Variants in TMEM51 observed in about 807,000 individuals in gnomAD.
The protein encoded by TMEM51 is chromosome 1 open reading frame 72.
A neutral mutation model predicts 13.6 loss-of-function variants in TMEM51; 8 were observed. That is an observed-to-expected ratio of 0.59 (90% CI 0.35 to 1.07). The LOEUF is 1.07. TMEM51 is among the 50% of genes least tolerant of loss of function. The pLI is 0.02. For missense variants in TMEM51, 279 were observed against 330.7 expected, an observed-to-expected ratio of 0.84 and a Z score of 1.21; for synonymous variants, 147 against 144.4, an observed-to-expected ratio of 1.02 and a Z score of -0.13.
chr1:15,219,919 A>C lies in TMEM51; in HGVS notation c.*176A>C. 2 of 667,932 alleles carry C rather than the reference A, an allele frequency of 3.0e-6. No individual in the cohort carries two copies. Among genetic ancestry groups the C allele is most frequent in the Non-Finnish European group, 5.0e-6 (2 of 403,266 alleles). The allele number at this position is 667,932 out of a possible 1,614,324, so 41.4% of individuals were successfully genotyped here. ...ATCAGGAGTGACTTTGTTGCCCCAC[A>C]CAGCCTCCTGCTGCAGGTGCTTTGG... On this transcript the variant is annotated 3_prime_UTR_variant, in exon 4 of 4. Transcript: ENST00000376008.
Position 15,214,936 on chromosome 1 carries a change from G to T in TMEM51, c.-152G>T, listed in dbSNP as rs1429286926. On this transcript the variant is annotated 5_prime_UTR_variant, in exon 3 of 4. Transcript: ENST00000376008. ...CATCCGCACGGGAGGCCTCGCGATT[G>T]CTCGGAACCATCCCGCAGGAGTTCA... The T allele has an allele frequency of 5.3e-6, 4 of 755,924 alleles. No individual in the cohort carries two copies. The Admixed American group carries it at 1.2e-4, about 22-fold the overall frequency. 46.8% of individuals were successfully genotyped at this position (755,924 alleles called of 1,614,324 possible).
At position 15,200,407 on chromosome 1, in the gene TMEM51, CAAAAAAA is replaced by C. The variant is rs55755539; in HGVS notation, c.-266-10064_-266-10058del. Among the ~76,000 whole-genome samples, 51 of 67,968 alleles carry C rather than the reference CAAAAAAA, an allele frequency of 7.5e-4. 1 individual carries two copies. In the East Asian group the frequency reaches 0.012, roughly 16 times the overall value. The allele number at this position is 67,968 out of a possible 152,430, so 44.6% of individuals were successfully genotyped here. ...TGGGCAACAGAGCGAGACTCTGTCT[CAAAAAAA>C]AAAAAAAAAAAAAAAAAAGAGAGAG... On this transcript the variant is annotated intron_variant, in intron 1 of 3. Transcript: ENST00000376008.
At chr1:15,203,530 G>A (rs1644196899) in intron 1 of TMEM51, among the ~76,000 whole-genome samples, 1 of 151,894 alleles carries the variant, frequency 6.6e-6, no homozygotes, top group Admixed American at 6.6e-5. Context: ...CAAGGTGTTG[G>A]GATTATAGAC....
At chr1:15,196,130 A>G (rs1047477996) in intron 1 of TMEM51, among the ~76,000 whole-genome samples, 3 of 152,008 alleles carry the variant, frequency 2.0e-5, no homozygotes. Flanking sequence ...CCACCCATCC[A>G]TCCCCCACCC....
chr1:15,164,578 T>G (rs1557831704), intron 1 of TMEM51: 2 of 426,540 alleles, frequency 4.7e-6, no homozygotes. Flanking sequence ...TCTGCCACAT[T>G]TCTCCACTGT....
rs1644493885 is a variant in TMEM51 at position 15,220,051 on chromosome 1, T to C, written c.*308T>C. ...CCGAATCGCTGGCGACACATTCTCC[T>C]TTCCAGCTAGGAAAGGGTTCCTCGC... On this transcript the variant is annotated 3_prime_UTR_variant, in exon 4 of 4. Coordinates refer to ENST00000376008, the MANE Select transcript of TMEM51 (RefSeq NM_001136218.2). The C allele has an allele frequency of 5.6e-6, 2 of 355,682 alleles. No individual in the cohort carries two copies. The highest frequency in any genetic ancestry group is 4.3e-5 in the Admixed American group (1 of 23,404). The allele number at this position is 355,682 out of a possible 1,614,324, so 22.0% of individuals were successfully genotyped here.
chr1:15,190,824 G>C (rs1004470413), intron 1 of TMEM51, among the ~76,000 whole-genome samples: 2 of 152,072 alleles, frequency 1.3e-5, no homozygotes, highest in South Asian at 4.1e-4. Context: ...GTCTCACTCT[G>C]TCGCCCAAGC....
chr1:15,160,594 AAAAC>A (rs1399448169), intron 1 of TMEM51, among the ~76,000 whole-genome samples: 2 of 152,062 alleles, frequency 1.3e-5, no homozygotes, highest in Admixed American at 6.5e-5. Flanking sequence ...TTTAAAAAAC[AAAAC>A]AAACACTCAA....
intron 1 of TMEM51, among the ~76,000 whole-genome samples, chr1:15,159,464 AT>A (rs1642698188): frequency 6.6e-6 from 1 of 152,222 alleles, no homozygotes; most frequent in Non-Finnish European, 1.5e-5. Flanking sequence ...CAACAACCCA[AT>A]TTATATTGCT....
chr1:15,211,023 A>G (rs1644330899), intron 2 of TMEM51, among the ~76,000 whole-genome samples: 1 of 152,248 alleles, frequency 6.6e-6, no homozygotes, highest in African/African-American at 2.4e-5. Flanking sequence ...CCAAAAAACC[A>G]AAACTATTTT....
intron 1 of TMEM51, among the ~76,000 whole-genome samples, chr1:15,165,598 G>C (rs1474467977): frequency 3.9e-5 from 6 of 152,118 alleles, no homozygotes; most frequent in Admixed American, 6.5e-5. Context: ...TTTTAACCTT[G>C]TTATTAATAT....
intron 1 of TMEM51, among the ~76,000 whole-genome samples, chr1:15,158,824 G>A (rs1422865590): frequency 1.3e-5 from 2 of 152,174 alleles, no homozygotes; most frequent in Non-Finnish European, 2.9e-5. Context: ...CTTACTAGTG[G>A]ATTTGAGCAT....
intron 1 of TMEM51, among the ~76,000 whole-genome samples, chr1:15,173,039 T>G (rs569177359): frequency 6.6e-6 from 1 of 152,258 alleles, no homozygotes; most frequent in East Asian, 1.9e-4. Flanking sequence ...CCTACCTTTT[T>G]CATGGAGGGT....
chr1:15,189,985 G>A (rs1468641483), intron 1 of TMEM51, among the ~76,000 whole-genome samples: 1 of 152,156 alleles, frequency 6.6e-6, no homozygotes, highest in Non-Finnish European at 1.5e-5. Context: ...TGCTACTGAC[G>A]GCCTGGGACA....
intron 1 of TMEM51, among the ~76,000 whole-genome samples, chr1:15,196,140 C>T (rs975217043): frequency 1.3e-5 from 2 of 152,190 alleles, no homozygotes; most frequent in Non-Finnish European, 2.9e-5. Context: ...ATCCCCCACC[C>T]AGAGACACCC....
intron 1 of TMEM51, among the ~76,000 whole-genome samples, chr1:15,190,587 G>T (rs184715713): frequency 3.3e-5 from 5 of 151,210 alleles, no homozygotes; most frequent in Admixed American, 1.3e-4. Flanking sequence ...GCTAAATAAT[G>T]CTCCCCTACC....
chr1:15,164,697 A>G (rs956594027), intron 1 of TMEM51, among the ~76,000 whole-genome samples: 1 of 152,072 alleles, frequency 6.6e-6, no homozygotes, highest in Non-Finnish European at 1.5e-5. Flanking sequence ...CCTAAAATTT[A>G]AAAACTTTGA....
intron 1 of TMEM51, among the ~76,000 whole-genome samples, chr1:15,174,178 CTGAA>C (rs1643384538): frequency 1.3e-5 from 2 of 152,224 alleles, no homozygotes; most frequent in Non-Finnish European, 2.9e-5. Flanking sequence ...TTGGGCATCT[CTGAA>C]TGACATGCAG....
chr1:15,173,756 C>G lies in TMEM51; in HGVS notation c.-267+19802C>G, dbSNP rs532521416. ...CTAGTTCTGTTTATCTAAAAACACC[C>G]TTTCTTCAACCTGGAATCTTGGACA... On this transcript the variant is annotated intron_variant, in intron 1 of 3. Transcript: ENST00000376008. Among the ~76,000 whole-genome samples, 42 of 151,544 alleles carry G rather than the reference C, an allele frequency of 2.8e-4. No homozygotes were observed. In the South Asian group the frequency reaches 6.4e-3, roughly 23 times the overall value.
Sources: gnomAD v4.1 joint callset for allele counts (sites outside exome capture counted in the v4.1 genomes callset) on GRCh38, gnomAD v4.1.1 for gene constraint, MANE v1.5 for transcripts, NCBI Gene and HGNC (gene_info 2026-07-23, HGNC 2026-07-21) for gene names.